CHODL: variants seen among roughly 807,000 people sequenced by gnomAD.
CHODL encodes the protein transmembrane protein MT75.
CHODL carries 29 observed loss-of-function variants against 34.5 expected under a neutral mutation model. That is an observed-to-expected ratio of 0.84 (90% CI 0.63 to 1.15). The LOEUF (loss-of-function observed/expected upper bound fraction) is 1.15. CHODL is among the 50% of genes most tolerant of loss of function. The probability of loss-of-function intolerance (pLI) is 0.00; values close to 1 mark genes in which losing one functional copy is unlikely to be tolerated. For synonymous variants in CHODL, 125 were observed against 116.1 expected, an observed-to-expected ratio of 1.08 and a Z score of -0.49; for missense variants, 332 against 332.5, an observed-to-expected ratio of 1.00 and a Z score of 0.01.
chr21:18,135,503 A>G (rs1306201733), intron 2 of CHODL, among the ~76,000 whole-genome samples: 3 of 152,132 alleles, frequency 2.0e-5, no homozygotes, highest in African/African-American at 7.2e-5. Flanking sequence ...ACAGACTGCC[A>G]TATTTCTCAC....
At chr21:18,069,689 ATGG>A (rs2064772772) in intron 2 of CHODL, among the ~76,000 whole-genome samples, 1 of 152,158 alleles carries the variant, frequency 6.6e-6, no homozygotes, top group Non-Finnish European at 1.5e-5. Context: ...AATGACAAAG[ATGG>A]TGGTAAAATT....
chr21:18,245,157 G>A lies in CHODL; in HGVS notation c.-67G>A. The A allele has an allele frequency of 1.5e-6, 2 of 1,342,186 alleles. No homozygotes were observed. Among genetic ancestry groups the A allele is most frequent in the Non-Finnish European group, 9.9e-7 (1 of 1,006,270 alleles). 83.1% of individuals were successfully genotyped at this position (1,342,186 alleles called of 1,614,324 possible). The stretch of plus-strand genomic sequence containing the variant: ...GCAGGGAGGCTGCAGAGTCAGAGTC[G>A]CGGGCTGCGCCCTGGGCAGAGGCCG... On this transcript the variant is annotated 5_prime_UTR_variant, in exon 1 of 6. Coordinates refer to ENST00000299295, the MANE Select transcript of CHODL (RefSeq NM_024944.3).
At chr21:18,235,678 A>G (rs539358124) in intron 2 of CHODL, among the ~76,000 whole-genome samples, 16 of 152,268 alleles carry the variant, frequency 1.1e-4, no homozygotes, top group African/African-American at 3.9e-4. Flanking sequence ...CATTCCACTT[A>G]TAATAAATTA....
intron 2 of CHODL, among the ~76,000 whole-genome samples, chr21:18,120,787 C>T (rs895029103): frequency 1.3e-5 from 2 of 151,418 alleles, no homozygotes; most frequent in Non-Finnish European, 2.9e-5. Context: ...TCTCTTGTAA[C>T]CATTCATTTT....
At chr21:18,221,104 T>G (rs939627338) in intron 2 of CHODL, among the ~76,000 whole-genome samples, 1 of 152,164 alleles carries the variant, frequency 6.6e-6, no homozygotes, top group Non-Finnish European at 1.5e-5. Flanking sequence ...TTTTTTAGTC[T>G]AATTGGATTA....
At chr21:17,949,487 A>G (rs370105995) in intron 1 of CHODL, among the ~76,000 whole-genome samples, 3 of 152,174 alleles carry the variant, frequency 2.0e-5, no homozygotes, top group African/African-American at 7.2e-5. Context: ...AGCTGTGTCT[A>G]TGTGGGAGGG....
At chr21:18,260,377 C>G in intron 4 of CHODL, 91 bp downstream of exon 4, 1 of 789,352 alleles carries the variant, frequency 1.3e-6, no homozygotes, top group Non-Finnish European at 2.0e-6. Context: ...CTTGTCTTGC[C>G]TGGGGAAGTG....
At chr21:18,023,387 G>C (rs757631996) in intron 1 of CHODL, among the ~76,000 whole-genome samples, 4 of 152,128 alleles carry the variant, frequency 2.6e-5, no homozygotes, top group Non-Finnish European at 4.4e-5. Flanking sequence ...CCAGCTGGTA[G>C]TCATACAGGA....
At chr21:18,124,761 T>C (rs2065521868) in intron 2 of CHODL, among the ~76,000 whole-genome samples, 2 of 152,202 alleles carry the variant, frequency 1.3e-5, no homozygotes, top group African/African-American at 4.8e-5. Flanking sequence ...AGAAAGTGAA[T>C]AGTGTTCTGA....
intron 2 of CHODL, among the ~76,000 whole-genome samples, chr21:18,086,002 A>T (rs1301704147): frequency 3.3e-5 from 3 of 90,584 alleles, no homozygotes; most frequent in Admixed American, 1.1e-4. Context: ...TGTAACTCTG[A>T]TTGTTTTATG....
intron 2 of CHODL, among the ~76,000 whole-genome samples, chr21:18,187,957 A>T (rs76330657): frequency 0.035 from 5,291 of 152,100 alleles, 301 homozygotes; most frequent in African/African-American, 0.12. Flanking sequence ...CTTTTTCTGT[A>T]CTTCCTCATT....
At chr21:18,249,393 A>G (rs887875867) in intron 1 of CHODL, among the ~76,000 whole-genome samples, 5 of 151,846 alleles carry the variant, frequency 3.3e-5, no homozygotes, top group Admixed American at 3.3e-4. Flanking sequence ...TTTATTTGGA[A>G]AATAAAAAGA....
At chr21:17,923,008 G>C (rs2063194500) in intron 1 of CHODL, among the ~76,000 whole-genome samples, 1 of 152,112 alleles carries the variant, frequency 6.6e-6, no homozygotes, top group Admixed American at 6.6e-5. Context: ...CAAGCAGGGA[G>C]GGGACTTCCA....
intron 2 of CHODL, among the ~76,000 whole-genome samples, chr21:18,175,966 T>G (rs986243560): frequency 2.2e-4 from 33 of 152,138 alleles, no homozygotes; most frequent in Admixed American, 9.8e-4. Flanking sequence ...AGAAGTTCAG[T>G]TTTACAAATA....
At chr21:18,228,072 T>A (rs1267310259) in intron 2 of CHODL, among the ~76,000 whole-genome samples, 1 of 152,178 alleles carries the variant, frequency 6.6e-6, no homozygotes, top group African/African-American at 2.4e-5. Context: ...CTGCCATTTG[T>A]CCACTGTTTT....
At chr21:18,078,597 A>T (rs2064895830) in intron 2 of CHODL, among the ~76,000 whole-genome samples, 1 of 152,116 alleles carries the variant, frequency 6.6e-6, no homozygotes. Flanking sequence ...CTTAGAACTT[A>T]TTTCATTTCT....
At chr21:17,959,886 A>T (rs2063519533) in intron 1 of CHODL, among the ~76,000 whole-genome samples, 1 of 152,228 alleles carries the variant, frequency 6.6e-6, no homozygotes, top group Non-Finnish European at 1.5e-5. Flanking sequence ...AATTTTCAGG[A>T]AATTAAAATG....
chr21:17,946,620 A>G (rs1396818055), intron 1 of CHODL, among the ~76,000 whole-genome samples: 2 of 151,914 alleles, frequency 1.3e-5, no homozygotes, highest in Non-Finnish European at 2.9e-5. Context: ...TATGATGGTT[A>G]TATTCTTTTA....
At chr21:17,948,317 GA>G (rs35727679) in intron 1 of CHODL, among the ~76,000 whole-genome samples, 62,955 of 149,040 alleles carry the variant, frequency 0.42, 13,413 homozygotes, top group East Asian at 0.64. Flanking sequence ...GAAGAAAAAA[GA>G]AAAAAAAAGT....
Sources: gnomAD v4.1 joint callset for allele counts (sites outside exome capture counted in the v4.1 genomes callset) on GRCh38, gnomAD v4.1.1 for gene constraint, MANE v1.5 for transcripts, NCBI Gene and HGNC (gene_info 2026-07-23, HGNC 2026-07-21) for gene names.